The following ENPP3 variants were observed in gnomAD, a reference collection of about 807,000 sequenced individuals.
ENPP3 encodes the protein ectonucleotide pyrophosphatase/phosphodiesterase family member 3.
Under a neutral mutation model 117.8 loss-of-function variants are expected in ENPP3, and 104 were observed. The observed-to-expected ratio is 0.88, with a 90% confidence interval of 0.75 to 1.04. The LOEUF (loss-of-function observed/expected upper bound fraction) is 1.04, where lower values mean the gene tolerates loss of function less well. Among genes scored for constraint, ENPP3 ranks in the 50% least tolerant of loss-of-function variants. ENPP3 has a pLI of 0.00. For missense variants in ENPP3, 1,026 were observed against 1,051.9 expected, an observed-to-expected ratio of 0.98 and a Z score of 0.34; for synonymous variants, 380 against 349.9, an observed-to-expected ratio of 1.09 and a Z score of -0.96.
chr6:131,740,797 T>C (rs1451379461), intron 24 of ENPP3, among the ~76,000 whole-genome samples: 2 of 152,194 alleles, frequency 1.3e-5, no homozygotes, highest in Non-Finnish European at 2.9e-5. Flanking sequence ...ACTTTAAACA[T>C]TTATTTCTTT....
At chr6:131,725,451 C>T (rs777599026) in intron 19 of ENPP3, among the ~76,000 whole-genome samples, 41 of 151,968 alleles carry the variant, frequency 2.7e-4, no homozygotes, top group Non-Finnish European at 5.6e-4. Context: ...GAAGGTGTCC[C>T]TAGGGTGTCT....
At chr6:131,691,306 C>T (rs910651788) in intron 14 of ENPP3, among the ~76,000 whole-genome samples, 7 of 151,926 alleles carry the variant, frequency 4.6e-5, no homozygotes, top group Non-Finnish European at 5.9e-5. Flanking sequence ...ATGTCAAAAA[C>T]GGCCGGGCGC....
chr6:131,659,523 T>A (rs995132764), intron 6 of ENPP3, among the ~76,000 whole-genome samples: 1 of 152,196 alleles, frequency 6.6e-6, no homozygotes, highest in African/African-American at 2.4e-5. Flanking sequence ...AATAGCTATT[T>A]GACTCTGGGT....
At chr6:131,723,055 C>T (rs889187165) in intron 18 of ENPP3, among the ~76,000 whole-genome samples, 8 of 152,154 alleles carry the variant, frequency 5.3e-5, no homozygotes, top group East Asian at 1.9e-4. Context: ...AGAATCAGAG[C>T]GCCTGGATGG....
chr6:131,700,701 C>A, intron 15 of ENPP3: 3 of 1,558,758 alleles, frequency 1.9e-6, no homozygotes, highest in Non-Finnish European at 1.7e-6. Context: ...GAAGGCTTTC[C>A]TCTGAACTTC....
At chr6:131,737,257 A>T in intron 21 of ENPP3, 98 bp from the exon 22 acceptor site, 1 of 713,484 alleles carries the variant, frequency 1.4e-6, no homozygotes, top group Non-Finnish European at 2.3e-6. Flanking sequence ...TTTGACTGTT[A>T]ATAAATTTAT....
rs1779451359 is a variant in ENPP3 at position 131,698,182 on chromosome 6, G to T, written c.1412+4558G>T. 3.3e-5 allele frequency among the ~76,000 whole-genome samples: 5 copies of T among 152,188 alleles called. 1 individual carries two copies. In the South Asian group the frequency reaches 1.0e-3, roughly 32 times the overall value. On this transcript the variant is annotated intron_variant, in intron 15 of 24. Transcript: ENST00000357639. ...GGCAGGATGATCAATTTGGGAAATTGTTCAAGGGGCTTATTAGAACCTACC... is the reference window on the plus strand; with the variant it reads ...GGCAGGATGATCAATTTGGGAAATTTTTCAAGGGGCTTATTAGAACCTACC...
At chr6:131,734,643 T>A (rs1780356865) in intron 21 of ENPP3, among the ~76,000 whole-genome samples, 1 of 152,092 alleles carries the variant, frequency 6.6e-6, no homozygotes, top group African/African-American at 2.4e-5. Context: ...ACGTCTGTAA[T>A]CCCAGCACTT....
At position 131,733,670 on chromosome 6, in the gene ENPP3, G is replaced by C; in HGVS notation, c.2036G>C (p.Cys679Ser). The C allele has an allele frequency of 6.2e-7, 1 of 1,614,132 alleles. No individual in the cohort carries two copies. Among genetic ancestry groups the C allele is most frequent in the Admixed American group, 1.7e-5 (1 of 60,016 alleles). The change falls in exon 21 of 25, where the codon TGT (cysteine) becomes TCT (serine). Residue 679 changes from cysteine (C) to serine (S), a missense_variant. Cys to Ser is a moderately radical substitution (Grantham distance 112). Transcript: ENST00000357639. ...VRVPPSESQK[C>S]SFYLADKNIT... ...GTTCCTCCTTCTGAGAGCCAAAAAT[G>C]TTCCTTCTATTTAGCAGACAAGAAT...
chr6:131,652,468 G>A, intron 3 of ENPP3, 74 bp from the exon 4 acceptor site: 2 of 1,394,148 alleles, frequency 1.4e-6, no homozygotes, highest in Non-Finnish European at 2.0e-6. Flanking sequence ...TATAATATAG[G>A]AATAAATAAA....
At chr6:131,710,914 T>C (rs1185487763) in intron 15 of ENPP3, 1 of 1,597,192 alleles carries the variant, frequency 6.3e-7, no homozygotes, top group South Asian at 1.1e-5. Flanking sequence ...ACCATAAGGA[T>C]TCTCATCTGG....
intron 8 of ENPP3, among the ~76,000 whole-genome samples, chr6:131,674,698 T>G (rs1485084220): frequency 2.6e-5 from 4 of 151,760 alleles, no homozygotes; most frequent in Admixed American, 2.6e-4. Context: ...GCCTCCCGAG[T>G]AGCTGGGACT....
At chr6:131,718,814 T>C (rs1779953232) in intron 16 of ENPP3, 76 bp downstream of exon 16, 1 of 805,648 alleles carries the variant, frequency 1.2e-6, no homozygotes, top group Non-Finnish European at 2.0e-6. Flanking sequence ...GTTTGTTACA[T>C]AGGTAAACAT....
chr6:131,740,025 G>A (rs1780492833), intron 23 of ENPP3, among the ~76,000 whole-genome samples, 199 bp from the exon 24 acceptor site: 1 of 151,460 alleles, frequency 6.6e-6, no homozygotes, highest in African/African-American at 2.4e-5. Context: ...TATTCCTTTG[G>A]TGGAGTCAGA....
At chr6:131,673,653 T>G (rs906478625) in intron 7 of ENPP3, among the ~76,000 whole-genome samples, 1 of 151,196 alleles carries the variant, frequency 6.6e-6, no homozygotes, top group African/African-American at 2.4e-5. Flanking sequence ...AACCTTCACA[T>G]GTACCCCCAA....
At chr6:131,709,452 A>T (rs1275390636) in intron 15 of ENPP3, 13 of 1,602,758 alleles carry the variant, frequency 8.1e-6, no homozygotes, top group Non-Finnish European at 1.0e-5. Flanking sequence ...ATGGTGAGGG[A>T]CTACATGGGG....
At chr6:131,694,217 C>T (rs17060552) in intron 15 of ENPP3, among the ~76,000 whole-genome samples, 12,410 of 152,218 alleles carry the variant, frequency 0.082, 863 homozygotes, top group East Asian at 0.33. Context: ...GACATTATGA[C>T]TCACTCCATC....
At chr6:131,684,432 C>T (rs9493052) in intron 12 of ENPP3, among the ~76,000 whole-genome samples, 7,544 of 152,244 alleles carry the variant, frequency 0.05, 348 homozygotes, top group African/African-American at 0.12. Flanking sequence ...GTAATCCCCG[C>T]ACTTTAGGAG....
intron 2 of ENPP3, among the ~76,000 whole-genome samples, chr6:131,645,170 A>G (rs924980098): frequency 5.3e-5 from 8 of 152,234 alleles, no homozygotes; most frequent in Non-Finnish European, 1.0e-4. Context: ...AATCACATAA[A>G]TACTGCAGGT....
Sources: gnomAD v4.1 joint callset for allele counts (sites outside exome capture counted in the v4.1 genomes callset) on GRCh38, gnomAD v4.1.1 for gene constraint, MANE v1.5 for transcripts, NCBI Gene and HGNC (gene_info 2026-07-23, HGNC 2026-07-21) for gene names.